Variants in KAZN observed in about 807,000 individuals in gnomAD.
KAZN encodes the protein kazrin.
KAZN carries 40 observed loss-of-function variants against 87.4 expected under a neutral mutation model. The observed-to-expected ratio is 0.46, with a 90% CI of 0.36 to 0.60. KAZN has a LOEUF of 0.60. Among genes scored for constraint, KAZN ranks in the 20% least tolerant of loss-of-function variants. The pLI is 0.00. For missense variants in KAZN, 898 were observed against 1,073.9 expected (o/e 0.84, Z 2.29); for synonymous variants, 466 against 458.3 (o/e 1.02, Z -0.22).
At chr1:14,080,799 C>T (rs751937862) in intron 1 of KAZN, among the ~76,000 whole-genome samples, 6 of 152,124 alleles carry the variant, frequency 3.9e-5, no homozygotes, top group Non-Finnish European at 8.8e-5. Context: ...TTTTGACAAC[C>T]CCAGGTAATG....
chr1:14,577,805 G>A (rs1675283163), intron 2 of KAZN, among the ~76,000 whole-genome samples: 1 of 152,124 alleles, frequency 6.6e-6, no homozygotes, highest in African/African-American at 2.4e-5. Context: ...TGAATTTCCT[G>A]ACAACCCTAG....
At chr1:14,776,933 CAA>C (rs56275592) in intron 1 of KAZN, among the ~76,000 whole-genome samples, 1,932 of 113,068 alleles carry the variant, frequency 0.017, 47 homozygotes, top group African/African-American at 0.061. Flanking sequence ...TACCCTGTCT[CAA>C]AAAAAAAAAA....
intron 8 of KAZN, among the ~76,000 whole-genome samples, chr1:15,093,765 G>T (rs1050277047): frequency 2.0e-5 from 3 of 152,060 alleles, no homozygotes; most frequent in African/African-American, 4.8e-5. Context: ...CTCCAAGCTC[G>T]CCAGGAATTT....
intron 1 of KAZN, among the ~76,000 whole-genome samples, chr1:14,080,933 G>A (rs1643651200): frequency 6.6e-6 from 1 of 152,128 alleles, no homozygotes; most frequent in Admixed American, 6.5e-5. Flanking sequence ...TGCTGTTAAG[G>A]CCATACTTGT....
chr1:14,622,030 G>T (rs116656808), intron 1 of KAZN, among the ~76,000 whole-genome samples: 1 of 152,220 alleles, frequency 6.6e-6, no homozygotes, highest in Non-Finnish European at 1.5e-5. Flanking sequence ...GCACATTGCA[G>T]ACAGTCAGCT....
chr1:14,000,573 GAC>G (rs1193618074), intron 1 of KAZN, among the ~76,000 whole-genome samples: 1 of 152,150 alleles, frequency 6.6e-6, no homozygotes, highest in Non-Finnish European at 1.5e-5. Flanking sequence ...AGCTATTTAT[GAC>G]AAACCCACAA....
At chr1:14,363,744 C>T (rs1398502859) in intron 2 of KAZN, among the ~76,000 whole-genome samples, 1 of 152,114 alleles carries the variant, frequency 6.6e-6, no homozygotes, top group African/African-American at 2.4e-5. Context: ...GAGACAGTGA[C>T]CATATGTGTC....
chr1:14,600,100 G>A (rs1426928076), intron 1 of KAZN, among the ~76,000 whole-genome samples: 2 of 71,660 alleles, frequency 2.8e-5, no homozygotes, highest in African/African-American at 7.0e-5. Flanking sequence ...GGCTTTGGGG[G>A]ATTTTTTTTT....
At chr1:14,537,400 A>G (rs908249507) in intron 2 of KAZN, among the ~76,000 whole-genome samples, 2 of 152,220 alleles carry the variant, frequency 1.3e-5, no homozygotes, top group African/African-American at 4.8e-5. Context: ...ATGAATGCTG[A>G]ATTTTATTTC....
At chr1:13,963,160 T>TG (rs1318743517) in intron 1 of KAZN, among the ~76,000 whole-genome samples, 9 of 151,282 alleles carry the variant, frequency 5.9e-5, no homozygotes, top group Non-Finnish European at 1.2e-4. Context: ...TGATGGGGAG[T>TG]GGGGAAAGAG....
rs572589806 is a variant in KAZN at position 14,618,842 on chromosome 1, C to G, written c.226+19619C>G. Among the ~76,000 whole-genome samples, 176 of 152,320 alleles carry G rather than the reference C, an allele frequency of 1.2e-3. 1 individual carries two copies. The highest frequency in any genetic ancestry group is 6.8e-3 in the Middle Eastern group (2 of 294). ...AAGTGTTGACAAGGGACACTTTGCC[C>G]AGGCTGAAGGAAAGGTGAGGGGTTC... On this transcript the variant is annotated intron_variant, in intron 1 of 14. Coordinates refer to ENST00000376030, the MANE Select transcript of KAZN (RefSeq NM_201628.3).
intron 2 of KAZN, among the ~76,000 whole-genome samples, chr1:14,972,952 G>C (rs1557675102): frequency 1.3e-5 from 2 of 151,996 alleles, no homozygotes; most frequent in African/African-American, 4.8e-5. Context: ...TTAGCAAAAC[G>C]TATCGAGCAC....
intron 1 of KAZN, among the ~76,000 whole-genome samples, chr1:14,959,919 G>A (rs1328964855): frequency 2.0e-5 from 3 of 152,186 alleles, no homozygotes; most frequent in African/African-American, 4.8e-5. Context: ...AGCCTGAGGA[G>A]ACACCGTGTT....
intron 1 of KAZN, among the ~76,000 whole-genome samples, chr1:14,741,097 G>T (rs993122618): frequency 1.3e-5 from 2 of 152,228 alleles, no homozygotes; most frequent in Non-Finnish European, 2.9e-5. Context: ...CCTGTGTGCT[G>T]ACCAAGCACT....
intron 1 of KAZN, among the ~76,000 whole-genome samples, chr1:14,172,885 C>T (rs1645984829): frequency 1.3e-5 from 2 of 152,232 alleles, no homozygotes; most frequent in South Asian, 4.1e-4. Flanking sequence ...GGCTGGGCAT[C>T]TCCTTCTCCA....
At chr1:15,010,198 G>A (rs1188653145) in intron 2 of KAZN, among the ~76,000 whole-genome samples, 1 of 152,182 alleles carries the variant, frequency 6.6e-6, no homozygotes, top group Non-Finnish European at 1.5e-5. Context: ...AGGGTCTGGA[G>A]TTTGCTAATT....
At chr1:14,651,674 A>C (rs1638385528) in intron 1 of KAZN, among the ~76,000 whole-genome samples, 1 of 152,252 alleles carries the variant, frequency 6.6e-6, no homozygotes, top group African/African-American at 2.4e-5. Context: ...TTTATTTTCC[A>C]AAATTTTGAC....
intron 2 of KAZN, among the ~76,000 whole-genome samples, chr1:15,005,206 A>G (rs945731132): frequency 7.5e-5 from 11 of 145,950 alleles, no homozygotes; most frequent in African/African-American, 1.2e-4. Context: ...TTTTATTTGG[A>G]AAAAAAAACA....
At position 14,627,999 on chromosome 1, in the gene KAZN, C is replaced by T. The variant is rs147382383; in HGVS notation, c.226+28776C>T. Among the ~76,000 whole-genome samples, 104 of 152,188 alleles carry T rather than the reference C, an allele frequency of 6.8e-4. 1 individual carries two copies. The South Asian group carries it at 0.016, about 23-fold the overall frequency. ...TGGAACTCTCTCTCTCTCTCTCTCT[C>T]GTCTGTCTGACCTTCTCACCCTCTC... On this transcript the variant is annotated intron_variant, in intron 1 of 14. Transcript: ENST00000376030.
Sources: allele counts gnomAD v4.1 joint callset (sites outside exome capture counted in the v4.1 genomes callset), GRCh38; gene constraint gnomAD v4.1.1; transcripts MANE v1.5; gene names NCBI Gene and HGNC (gene_info 2026-07-23, HGNC 2026-07-21).